The following CNGB1 variants were observed in gnomAD, a reference collection of about 807,000 sequenced individuals.
The protein encoded by CNGB1 is cyclic nucleotide-gated channel beta-1.
CNGB1 carries 126 observed loss-of-function variants against 151.7 expected under a neutral mutation model. The observed-to-expected ratio is 0.83, with a 90% CI of 0.72 to 0.96. The LOEUF (loss-of-function observed/expected upper bound fraction) is 0.96, where lower values mean the gene tolerates loss of function less well. Among genes scored for constraint, CNGB1 ranks in the 40% least tolerant of loss-of-function variants. The probability of loss-of-function intolerance (pLI) is 0.00; values close to 1 mark genes in which losing one functional copy is unlikely to be tolerated. For missense variants in CNGB1, 1,698 were observed against 1,627.0 expected (o/e 1.04, Z -0.75); for synonymous variants, 623 against 635.1 (o/e 0.98, Z 0.29).
intron 26 of CNGB1, 57 bp downstream of exon 26, chr16:57,904,677 A>G: frequency 6.2e-7 from 1 of 1,611,348 alleles, no homozygotes; most frequent in Non-Finnish European, 8.5e-7. Flanking sequence ...TTCTGGCAAC[A>G]GTGGGAGGGG....
intron 17 of CNGB1, among the ~76,000 whole-genome samples, chr16:57,930,352 C>T (rs1032170737): frequency 4.0e-5 from 6 of 151,864 alleles, no homozygotes; most frequent in African/African-American, 1.5e-4. Context: ...AAAAAATTAG[C>T]TGGGTGGTGG....
chr16:57,901,362 A>T lies in CNGB1; in HGVS notation c.2966T>A (p.Val989Glu), dbSNP rs576228876. Residue 989 changes from valine to glutamate, a missense_variant, in exon 29 of 33, where the codon GTG becomes GAG. Physicochemically the swap from Val to Glu is moderately radical, Grantham distance 121 (BLOSUM62 -2). Transcript: ENST00000251102. ...GCCAGGCCAGCTCACCTTCTTGCAC[A>T]CATAGTCGTTGGGCAGGTAGACAAC... Reference protein sequence around the residue: ...RSVVYLPNDYVCKKGEIGREM... With the variant: ...RSVVYLPNDYECKKGEIGREM... The T allele has an allele frequency of 6.8e-6, 11 of 1,614,138 alleles. No individual in the cohort carries two copies. In the African/African-American group the frequency reaches 1.3e-4, roughly 20 times the overall value.
At chr16:57,901,209 G>T (rs1438547441) in intron 29 of CNGB1, 143 bp downstream of exon 29, 1 of 847,462 alleles carries the variant, frequency 1.2e-6, no homozygotes, top group Non-Finnish European at 2.0e-6. Context: ...TCAGGTCACT[G>T]CAGCATGAAG....
At chr16:57,926,463 A>G (rs1467258395) in intron 17 of CNGB1, among the ~76,000 whole-genome samples, 1 of 152,218 alleles carries the variant, frequency 6.6e-6, no homozygotes, top group Admixed American at 6.5e-5. Context: ...GGGGATCCAG[A>G]GGGAGGGATG....
At chr16:57,947,872 T>A (rs1961847309) in intron 14 of CNGB1, among the ~76,000 whole-genome samples, 1 of 152,132 alleles carries the variant, frequency 6.6e-6, no homozygotes, top group Non-Finnish European at 1.5e-5. Flanking sequence ...CCTTTTATTA[T>A]CCCCCATTTT....
rs544991219 is a variant in CNGB1, at chr16:57,914,496, A to AT, written c.2304+752dup. On this transcript the variant is annotated intron_variant, in intron 23 of 32. Coordinates refer to ENST00000251102, the MANE Select transcript of CNGB1 (RefSeq NM_001297.5). ...GGGTTGTTCATGTTATTGCATTTGC[A>AT]TTTTTTGTAAATTCCCTCAGTACTG... Among the ~76,000 whole-genome samples the AT allele has an allele frequency of 4.6e-5, 7 of 152,216 alleles. No individual in the cohort carries two copies. In the South Asian group the frequency reaches 1.2e-3, roughly 27 times the overall value.
chr16:57,917,878 G>A (rs1960919544), intron 20 of CNGB1, among the ~76,000 whole-genome samples: 2 of 151,602 alleles, frequency 1.3e-5, no homozygotes, highest in Non-Finnish European at 2.9e-5. Flanking sequence ...TCTCAGGAGG[G>A]ACTATGCTGG....
At chr16:57,888,729 G>C (rs1960006901) in intron 31 of CNGB1, among the ~76,000 whole-genome samples, 1 of 151,912 alleles carries the variant, frequency 6.6e-6, no homozygotes, top group African/African-American at 2.4e-5. Flanking sequence ...TGAAATTACA[G>C]GTGTGAGGCA....
In CNGB1 at chr16:57,950,476, C is replaced by T. The variant is rs1235750102; in HGVS notation, c.939G>A (p.Trp313Ter). 1.2e-6 allele frequency: 2 copies of T among 1,614,182 alleles called. No homozygotes were observed. The highest frequency in any genetic ancestry group is 1.7e-6 in the Non-Finnish European group (2 of 1,180,026). The change falls in exon 13 of 33, where the codon TGG becomes TGA. Residue 313 changes from tryptophan to a stop codon, truncating the protein, a stop_gained. Coordinates refer to ENST00000251102, the MANE Select transcript of CNGB1 (RefSeq NM_001297.5). LOFTEE classifies it high-confidence loss of function. ...DLVLEEVEPP[W>*]EDAHQDVSTS... ...TACTGACATCCTGGTGGGCATCCTC[C>T]CAGGGCGGTTCAACCTCCTCTAGGA...
At chr16:57,891,604 T>C (rs1960091373) in intron 31 of CNGB1, among the ~76,000 whole-genome samples, 1 of 152,210 alleles carries the variant, frequency 6.6e-6, no homozygotes, top group African/African-American at 2.4e-5. Context: ...TTGCCCAGGC[T>C]GCATTACAGT....
chr16:57,891,912 CAGCACTGTA>C (rs1390272465), intron 31 of CNGB1, among the ~76,000 whole-genome samples: 12 of 152,114 alleles, frequency 7.9e-5, no homozygotes, highest in African/African-American at 2.7e-4. Flanking sequence ...GCACAGCCAA[CAGCACTGTA>C]ATTCATGCCT....
chr16:57,939,663 A>G, intron 15 of CNGB1, 71 bp from the exon 16 acceptor site: 1 of 1,597,402 alleles, frequency 6.3e-7, no homozygotes, highest in African/African-American at 1.3e-5. Context: ...AGCTCCTGTT[A>G]GATCTGCCTT....
rs764503421 is a variant in CNGB1 at position 57,939,427 on chromosome 16, T to C, written c.1372+3A>G. ...AACCCATCACCACCACCACCACACC[T>C]ACCTCCTGAACTGGCAGCCTCGGCC... On this transcript the variant is annotated splice_donor_region_variant and intron_variant, in intron 16 of 32. Transcript: ENST00000251102. 1.2e-6 allele frequency: 2 copies of C among 1,614,042 alleles called. No individual in the cohort carries two copies. Among genetic ancestry groups the C allele is most frequent in the Non-Finnish European group, 1.7e-6 (2 of 1,179,986 alleles).
At chr16:57,933,217 T>G (rs1489854110) in intron 16 of CNGB1, among the ~76,000 whole-genome samples, 1 of 152,182 alleles carries the variant, frequency 6.6e-6, no homozygotes, top group Non-Finnish European at 1.5e-5. Flanking sequence ...CGTGAGCCAC[T>G]GGGCCCGGCT....
chr16:57,928,253 G>A (rs879806469), intron 17 of CNGB1, among the ~76,000 whole-genome samples: 3 of 152,210 alleles, frequency 2.0e-5, no homozygotes, highest in Admixed American at 1.3e-4. Flanking sequence ...GTGTAAAAAT[G>A]TGCACCACCT....
intron 31 of CNGB1, among the ~76,000 whole-genome samples, chr16:57,891,618 G>A (rs1960092194): frequency 6.6e-6 from 1 of 152,128 alleles, no homozygotes; most frequent in Non-Finnish European, 1.5e-5. Flanking sequence ...TTACAGTGGT[G>A]TGATCTTGGC....
chr16:57,885,258 G>C (rs906089948), intron 32 of CNGB1, among the ~76,000 whole-genome samples: 1 of 152,226 alleles, frequency 6.6e-6, no homozygotes, highest in Non-Finnish European at 1.5e-5. Context: ...AGTGGTGTTT[G>C]TGAGTTTCAA....
At chr16:57,959,164 C>A (rs1434841235) in intron 10 of CNGB1, among the ~76,000 whole-genome samples, 1 of 152,100 alleles carries the variant, frequency 6.6e-6, no homozygotes, top group Non-Finnish European at 1.5e-5. Flanking sequence ...GGGTTATTGA[C>A]TGTGGCAAAA....
intron 32 of CNGB1, among the ~76,000 whole-genome samples, chr16:57,887,268 C>G (rs1959958482): frequency 1.3e-5 from 2 of 152,100 alleles, no homozygotes; most frequent in South Asian, 4.1e-4. Flanking sequence ...TTCTCATACC[C>G]TCTCCTCTAA....
Sources: gnomAD v4.1 joint callset for allele counts (sites outside exome capture counted in the v4.1 genomes callset) on GRCh38, gnomAD v4.1.1 for gene constraint, MANE v1.5 for transcripts, NCBI Gene and HGNC (gene_info 2026-07-23, HGNC 2026-07-21) for gene names.